Variants in HEATR1 observed in about 807,000 individuals in gnomAD.
The protein encoded by HEATR1 is HEAT repeat containing 1, also known as HEAT repeat-containing protein 1.
A neutral mutation model predicts 248.2 loss-of-function variants in HEATR1; 77 were observed. The observed-to-expected ratio is 0.31, with a 90% CI of 0.26 to 0.37. The LOEUF is 0.37. Among genes scored for constraint, HEATR1 ranks in the 10% least tolerant of loss-of-function variants. The pLI is 1.00. For synonymous variants in HEATR1, 897 were observed against 923.1 expected, an observed-to-expected ratio of 0.97 and a Z score of 0.51; for missense variants, 2,420 against 2,504.9, an observed-to-expected ratio of 0.97 and a Z score of 0.72.
chr1:236,553,556 C>T (rs1287729061), intron 43 of HEATR1, 25 bp downstream of exon 43: 2 of 1,607,854 alleles, frequency 1.2e-6, no homozygotes, highest in African/African-American at 1.3e-5. Context: ...GATGCAGTTT[C>T]AGTACTTGTC....
chr1:236,569,157 T>C, intron 28 of HEATR1, 33 bp from the exon 29 acceptor site: 1 of 1,517,998 alleles, frequency 6.6e-7, no homozygotes, highest in Non-Finnish European at 8.9e-7. Flanking sequence ...ACATTTTTTA[T>C]TTCTGTTAAT....
chr1:236,576,215 A>G lies in HEATR1; in HGVS notation c.3084+4T>C. 1.9e-6 allele frequency: 3 copies of G among 1,591,668 alleles called. No individual in the cohort carries two copies. Among genetic ancestry groups the G allele is most frequent in the Non-Finnish European group, 2.6e-6 (3 of 1,172,686 alleles). On this transcript the variant is annotated splice_donor_region_variant and intron_variant, in intron 22 of 44. Transcript: ENST00000366582. ...AATGTACAATCCACTTAAATGGCAC[A>G]TACCTCACCGTTGACTCCCTGAAGT...
rs147110509 is a variant in HEATR1, at chr1:236,571,636, T to C, written c.3758A>G (p.Gln1253Arg). Residue 1253 changes from glutamine to arginine, a missense_variant, in exon 27 of 45, where the codon CAA becomes CGA. Gln to Arg is a conservative substitution (Grantham distance 43). Transcript: ENST00000366582. ...QEQGNMEYTK[Q>R]LILSCLLNIC... ...GTTGAGCAGACAACTAAGAATTAAT[T>C]GTTTGGTGTATTCCATATTTCCCTG... The C allele has an allele frequency of 5.6e-5, 91 of 1,614,014 alleles. No homozygotes were observed. Among genetic ancestry groups the C allele is most frequent in the Non-Finnish European group, 7.5e-5 (88 of 1,179,970 alleles).
At chr1:236,583,296 T>G in intron 17 of HEATR1, 100 bp from the exon 18 acceptor site, 1 of 989,522 alleles carries the variant, frequency 1.0e-6, no homozygotes, top group Non-Finnish European at 1.5e-6. Flanking sequence ...TGTTTATGTG[T>G]GCATTTTGGT....
chr1:236,559,059 C>A lies in HEATR1; in HGVS notation c.4847G>T (p.Arg1616Leu). ...GLVGNPLPSV[R>L]RKALDLLNNK... Reference sequence around the variant, plus strand: ...ATTCAAAAGGTCCAGCGCTTTGCGGCGAACAGATGGCAGGGGATTGCCCAC... The same window carrying A: ...ATTCAAAAGGTCCAGCGCTTTGCGGAGAACAGATGGCAGGGGATTGCCCAC... Residue 1616 changes from arginine to leucine, a missense_variant, in exon 35 of 45, where the codon CGC becomes CTC. Coordinates refer to ENST00000366582, the MANE Select transcript of HEATR1 (RefSeq NM_018072.6). The A allele has an allele frequency of 6.2e-7, 1 of 1,612,524 alleles. No homozygotes were observed. The highest frequency in any genetic ancestry group is 8.5e-7 in the Non-Finnish European group (1 of 1,179,696).
Position 236,552,096 on chromosome 1 carries a change from A to G in HEATR1, c.6249T>C (p.Ala2083=). 1 of 1,609,838 alleles carries G rather than the reference A, an allele frequency of 6.2e-7. No individual in the cohort carries two copies. Among genetic ancestry groups the G allele is most frequent in the East Asian group, 2.2e-5 (1 of 44,834 alleles). Residue 2083 remains alanine, a synonymous_variant, in exon 44 of 45, where the codon GCT becomes GCC. Transcript: ENST00000366582. Reference sequence around the variant, plus strand: ...CCAGTGCTAACACAGTAATCAAAGCAGCAAATCGAACCTGAAAGGGATAAA... The same window carrying G: ...CCAGTGCTAACACAGTAATCAAAGCGGCAAATCGAACCTGAAAGGGATAAA... ...TRDSSPKVRF[A]ALITVLALAE...
intron 32 of HEATR1, among the ~76,000 whole-genome samples, chr1:236,562,076 A>C (rs766124): frequency 0.49 from 75,060 of 152,052 alleles, 22,282 homozygotes; most frequent in Non-Finnish European, 0.66. Flanking sequence ...CTACGTACCC[A>C]ATCCCTGGTA....
At chr1:236,573,440 T>C (rs1435536016) in intron 24 of HEATR1, among the ~76,000 whole-genome samples, 1 of 152,212 alleles carries the variant, frequency 6.6e-6, no homozygotes, top group East Asian at 1.9e-4. Context: ...ACTAAATCTT[T>C]GGATTCTGAT....
chr1:236,550,875 G>T lies in HEATR1; in HGVS notation c.*27C>A. ...TATGAAATATGAGTGTGAACTCTGA[G>T]TAGAGTATGAAACACCACAGAAAGT... On this transcript the variant is annotated 3_prime_UTR_variant, in exon 45 of 45. Transcript: ENST00000366582. The T allele has an allele frequency of 1.3e-6, 2 of 1,522,440 alleles. No homozygotes were observed. Among genetic ancestry groups the T allele is most frequent in the African/African-American group, 1.4e-5 (1 of 71,222 alleles). The allele number at this position is 1,522,440 out of a possible 1,614,324, so 94.3% of individuals were successfully genotyped here. A position where few individuals can be genotyped will look rare whatever the true frequency, so the allele number is the denominator to read the frequency against.
intron 13 of HEATR1, among the ~76,000 whole-genome samples, chr1:236,587,700 G>A (rs1482636663): frequency 6.6e-6 from 1 of 152,060 alleles, no homozygotes; most frequent in Non-Finnish European, 1.5e-5. Flanking sequence ...ATAAAAATAT[G>A]TTAAAAGCAA....
At chr1:236,555,262 C>T (rs953790415) in intron 41 of HEATR1, 34 bp downstream of exon 41, 1 of 1,607,906 alleles carries the variant, frequency 6.2e-7, no homozygotes, top group African/African-American at 1.3e-5. Context: ...GCACACAGGG[C>T]AAGGGTGACA....
chr1:236,602,835 A>G (rs113387364), intron 3 of HEATR1: 5,626 of 207,906 alleles, frequency 0.027, 88 homozygotes, highest in Middle Eastern at 0.047. Context: ...GAGGTGGGAG[A>G]ATCACTTGAA....
chr1:236,587,888 G>A (rs188535172), intron 13 of HEATR1, 60 bp downstream of exon 13: 2 of 1,183,292 alleles, frequency 1.7e-6, no homozygotes, highest in East Asian at 4.8e-5. Flanking sequence ...AGAGAATCAA[G>A]TGAGAAGGGC....
rs1662768347 is a variant in HEATR1, at chr1:236,551,996, T to C, written c.6346+3A>G. On this transcript the variant is annotated splice_donor_region_variant and intron_variant, in intron 44 of 44. Transcript: ENST00000366582. ...TAATGGTTGGGAATAGTTTGGGAAT[T>C]ACCTTCCATCAACTCTGCTAAGAAA... 1.9e-6 allele frequency: 3 copies of C among 1,566,372 alleles called. No homozygotes were observed. The East Asian group carries it at 6.7e-5, about 35-fold the overall frequency.
rs1275406568 is a variant in HEATR1 at position 236,572,789 on chromosome 1, G to A, written c.3499C>T (p.Pro1167Ser). The A allele has an allele frequency of 6.2e-7, 1 of 1,613,952 alleles. No homozygotes were observed. Among genetic ancestry groups the A allele is most frequent in the South Asian group, 1.1e-5 (1 of 91,076 alleles). Residue 1167 changes from proline (P) to serine (S), a missense_variant, in exon 25 of 45, where the codon CCA (proline) becomes TCA (serine). Pro to Ser is a moderately conservative substitution (Grantham distance 74). Transcript: ENST00000366582. ...NAEQVRIELE[P>S]PDKAKPLGTV... is the part of the protein sequence containing the mutation. ...CCCAAGGGTTTAGCTTTATCTGGTG[G>A]CTCCAGTTCTATTCGGACTTGTTCA... is the stretch of plus-strand genomic sequence containing the variant.
intron 20 of HEATR1, 52 bp downstream of exon 20, chr1:236,581,170 G>A: frequency 1.4e-6 from 2 of 1,432,744 alleles, no homozygotes; most frequent in Non-Finnish European, 2.0e-6. Flanking sequence ...ACCATATAGA[G>A]AAAGCATGAA....
rs1267245742 is a variant in HEATR1 at position 236,549,983 on chromosome 1, T to C, written c.*919A>G. The stretch of plus-strand genomic sequence containing the variant: ...ACTTCTATATTAGCTTCAAAGGCTT[T>C]TAAACTCAATGCGAACATTCTACGG... On this transcript the variant is annotated 3_prime_UTR_variant, in exon 45 of 45. Coordinates refer to ENST00000366582, the MANE Select transcript of HEATR1 (RefSeq NM_018072.6). 6.6e-6 allele frequency: 1 copy of C among 152,346 alleles called. No individual in the cohort carries two copies. The highest frequency in any genetic ancestry group is 1.9e-4 in the East Asian group (1 of 5,194). The allele number at this position is 152,346 out of a possible 1,614,324, so 9.4% of individuals were successfully genotyped here.
intron 31 of HEATR1, among the ~76,000 whole-genome samples, chr1:236,565,044 GACTT>G (rs1663233514): frequency 6.6e-6 from 1 of 152,134 alleles, no homozygotes; most frequent in Admixed American, 6.5e-5. Flanking sequence ...CCTATAGAAT[GACTT>G]ACTGCTAAGA....
At chr1:236,585,722 GA>G in intron 16 of HEATR1, 97 bp downstream of exon 16, 3 of 1,255,222 alleles carry the variant, frequency 2.4e-6, no homozygotes, top group Non-Finnish European at 3.3e-6. Context: ...AAGAATAAAA[GA>G]AATTTTTTTT....
Sources: allele counts gnomAD v4.1 joint callset (sites outside exome capture counted in the v4.1 genomes callset), GRCh38; gene constraint gnomAD v4.1.1; transcripts MANE v1.5; gene names NCBI Gene and HGNC (gene_info 2026-07-23, HGNC 2026-07-21).